Variants in FUNDC1 observed in about 807,000 individuals in gnomAD.
FUNDC1 encodes the protein FUN14 domain containing 1.
FUNDC1 carries 10 observed loss-of-function variants against 14.5 expected under a neutral mutation model. The observed-to-expected ratio is 0.69, with a 90% confidence interval of 0.43 to 1.17. FUNDC1 has a LOEUF of 1.17. FUNDC1 is among the 50% of genes most tolerant of loss of function. FUNDC1 has a pLI of 0.00. For synonymous variants in FUNDC1, 33 were observed against 39.7 expected, an observed-to-expected ratio of 0.83 and a Z score of 0.64; for missense variants, 115 against 113.8, an observed-to-expected ratio of 1.01 and a Z score of -0.05.
At chrX:44,534,378 G>T (rs2038939363) in intron 3 of FUNDC1, among the ~76,000 whole-genome samples, 1 of 110,079 alleles carries the variant, frequency 9.1e-6, no homozygotes. Flanking sequence ...AGAAAAATTA[G>T]ACAACTGGTC....
At chrX:44,531,347 C>G (rs1174226677) in intron 3 of FUNDC1, among the ~76,000 whole-genome samples, 3 of 82,154 alleles carry the variant, frequency 3.7e-5, no homozygotes, top group Non-Finnish European at 6.4e-5. Context: ...CACACACACA[C>G]ACACACACAC....
chrX:44,532,619 C>G (rs1001228046), intron 3 of FUNDC1, among the ~76,000 whole-genome samples: 1 of 106,721 alleles, frequency 9.4e-6, no homozygotes, highest in Non-Finnish European at 1.9e-5. Flanking sequence ...ATGACATGAT[C>G]TCGGCTCACT....
intron 3 of FUNDC1, among the ~76,000 whole-genome samples, chrX:44,534,986 A>G (rs2038941566): frequency 9.0e-6 from 1 of 111,113 alleles, no homozygotes; most frequent in African/African-American, 3.3e-5. Flanking sequence ...CCTATTATAC[A>G]AAAATACAAA....
chrX:44,535,556 G>A (rs1246051303), intron 3 of FUNDC1, among the ~76,000 whole-genome samples: 1 of 105,949 alleles, frequency 9.4e-6, no homozygotes, highest in Non-Finnish European at 1.9e-5. Flanking sequence ...TGTTGTCCCA[G>A]CTACTTGAGA....
intron 2 of FUNDC1, 27 bp from the exon 3 acceptor site, chrX:44,538,569 A>G (rs1253480968): frequency 2.8e-6 from 3 of 1,069,491 alleles, no homozygotes; most frequent in Non-Finnish European, 3.9e-6. Flanking sequence ...AAAGATGAAA[A>G]CAATCAATTA....
At position 44,523,857 on chromosome X, in the gene FUNDC1, C is replaced by T. The variant is rs937402177; in HGVS notation, c.*341G>A. The T allele has an allele frequency of 5.4e-5, 8 of 147,954 alleles. No individual in the cohort carries two copies. The highest frequency in any genetic ancestry group is 9.3e-5 in the African/African-American group (3 of 32,303). The allele number at this position is 147,954 out of a possible 1,213,427, so 12.2% of individuals were successfully genotyped here. On this transcript the variant is annotated 3_prime_UTR_variant, in exon 5 of 5. Transcript: ENST00000378045. ...TTATTTAAATAAAAAGAGAATATTT[C>T]GCTAAGCAATAAACCCAACATATTT...
chrX:44,524,526 A>G (rs753528681), intron 4 of FUNDC1, among the ~76,000 whole-genome samples: 68 of 111,228 alleles, frequency 6.1e-4, no homozygotes, highest in African/African-American at 2.1e-3. Flanking sequence ...ATGATTGCAG[A>G]AAAATGTGAA....
At chrX:44,524,554 A>G (rs1168791703) in intron 4 of FUNDC1, among the ~76,000 whole-genome samples, 3 of 111,280 alleles carry the variant, frequency 2.7e-5, no homozygotes, top group African/African-American at 9.8e-5. Context: ...AATGCCACTG[A>G]ACTGTATGCT....
At position 44,542,000 on chromosome X, in the gene FUNDC1, T is replaced by C. The variant is rs372120535; in HGVS notation, c.130A>G (p.Met44Val). The C allele has an allele frequency of 1.2e-4, 148 of 1,205,116 alleles. No homozygotes were observed. The highest frequency in any genetic ancestry group is 1.6e-4 in the Non-Finnish European group (143 of 892,167). The change falls in exon 2 of 5, where the codon ATG becomes GTG. Residue 44 changes from methionine to valine, a missense_variant. Coordinates refer to ENST00000378045, the MANE Select transcript of FUNDC1 (RefSeq NM_173794.4). Reference protein sequence around the residue: ...NRVFGHSSGPMVEKYSVATQI... With the variant: ...NRVFGHSSGPVVEKYSVATQI... ...GTAGCTACTGAGTATTTTTCTACCA[T>C]AGGTCCCGAACTGTGGCCAAACACT...
intron 2 of FUNDC1, among the ~76,000 whole-genome samples, chrX:44,540,396 G>A (rs1440914157): frequency 9.5e-6 from 1 of 105,405 alleles, no homozygotes; most frequent in Non-Finnish European, 1.9e-5. Context: ...ACACCTGGCT[G>A]TAATCCAAAT....
chrX:44,534,419 A>G (rs2038939500), intron 3 of FUNDC1, among the ~76,000 whole-genome samples: 1 of 111,403 alleles, frequency 9.0e-6, no homozygotes, highest in Non-Finnish European at 1.9e-5. Flanking sequence ...AACTACAGAA[A>G]AAAAGATGGG....
rs1181319647 is a variant in FUNDC1 at position 44,538,464 on chromosome X, T to A, written c.261+3A>T. On this transcript the variant is annotated splice_donor_region_variant and intron_variant, in intron 3 of 4. Transcript: ENST00000378045. Reference sequence around the variant, plus strand: ...AAGGCAAGTGCTTAAAGCTCTGACATACCTGAAGAAGAAGAAAGCCACCAC... The same window carrying A: ...AAGGCAAGTGCTTAAAGCTCTGACAAACCTGAAGAAGAAGAAAGCCACCAC... The A allele has an allele frequency of 1.7e-6, 2 of 1,198,455 alleles. No homozygotes were observed. The highest frequency in any genetic ancestry group is 3.5e-5 in the African/African-American group (2 of 57,024).
chrX:44,529,665 A>G (rs977658821), intron 3 of FUNDC1, among the ~76,000 whole-genome samples: 13 of 111,749 alleles, frequency 1.2e-4, no homozygotes, highest in Admixed American at 1.1e-3. Flanking sequence ...GGCTCAAATA[A>G]TGACTCTCAG....
At chrX:44,528,719 C>G (rs112973228) in intron 3 of FUNDC1, among the ~76,000 whole-genome samples, 4,617 of 112,250 alleles carry the variant, frequency 0.041, 95 homozygotes, top group African/African-American at 0.072. Context: ...TTTTTTGAGA[C>G]GGAGTCTCGC....
chrX:44,534,606 G>GA (rs200977636), intron 3 of FUNDC1, among the ~76,000 whole-genome samples: 21,008 of 99,499 alleles, frequency 0.21, 1,752 homozygotes, highest in East Asian at 0.28. Flanking sequence ...TAACTGAAAG[G>GA]AAAAAAAAAA....
At position 44,530,349 on chromosome X, in the gene FUNDC1, T is replaced by C. The variant is rs768122068; in HGVS notation, c.262-2984A>G. 2.7e-5 allele frequency among the ~76,000 whole-genome samples: 3 copies of C among 112,315 alleles called. No individual in the cohort carries two copies. The Admixed American group carries it at 2.8e-4, about 11-fold the overall frequency. On this transcript the variant is annotated intron_variant, in intron 3 of 4. Transcript: ENST00000378045. The stretch of plus-strand genomic sequence containing the variant: ...GGCCGGGCTCCGTGGCTCACGCCTG[T>C]AATGTTAGCACTTTGGGAGGCCGAG...
chrX:44,536,906 T>C (rs1266580060), intron 3 of FUNDC1, among the ~76,000 whole-genome samples: 1 of 112,271 alleles, frequency 8.9e-6, no homozygotes, highest in Non-Finnish European at 1.9e-5. Context: ...AAACACTTGA[T>C]ATTGTTACTA....
At chrX:44,537,803 G>A (rs1451935238) in intron 3 of FUNDC1, among the ~76,000 whole-genome samples, 1 of 112,085 alleles carries the variant, frequency 8.9e-6, no homozygotes, top group Non-Finnish European at 1.9e-5. Context: ...TACTATATTT[G>A]ATCTTCAAGG....
chrX:44,530,226 C>A lies in FUNDC1; in HGVS notation c.262-2861G>T, dbSNP rs2038916902. 2.7e-5 allele frequency among the ~76,000 whole-genome samples: 3 copies of A among 111,885 alleles called. No homozygotes were observed. In the South Asian group the frequency reaches 1.1e-3, roughly 41 times the overall value. ...TGACTGCTTTTTGAACATTTGACTT[C>A]CTATAACACTAAAATATTTAATGGG... On this transcript the variant is annotated intron_variant, in intron 3 of 4. Transcript: ENST00000378045.
Sources: allele counts gnomAD v4.1 joint callset (sites outside exome capture counted in the v4.1 genomes callset), GRCh38; gene constraint gnomAD v4.1.1; transcripts MANE v1.5; gene names NCBI Gene and HGNC (gene_info 2026-07-23, HGNC 2026-07-21).